The following DNM2 variants were observed in gnomAD, a reference collection of about 807,000 sequenced individuals.
DNM2 encodes the protein dynamin-2.
A neutral mutation model predicts 99.0 loss-of-function variants in DNM2; 15 were observed. The ratio of observed to expected loss-of-function variants is 0.15; its 90% CI spans 0.10 to 0.23. The LOEUF is 0.23. DNM2 is among the 10% of genes least tolerant of loss of function. The probability of loss-of-function intolerance (pLI) is 1.00; values close to 1 mark genes in which losing one functional copy is unlikely to be tolerated. For synonymous variants in DNM2, 525 were observed against 481.2 expected (o/e 1.09, Z -1.19); for missense variants, 742 against 1,189.4 (o/e 0.62, Z 5.53).
intron 7 of DNM2, among the ~76,000 whole-genome samples, chr19:10,791,889 A>G (rs990845834): frequency 4.6e-5 from 7 of 152,130 alleles, no homozygotes; most frequent in Admixed American, 1.3e-4. Flanking sequence ...AGATTGAGAG[A>G]CCAGCCTGGC....
chr19:10,824,672 G>T (rs1213397954), intron 17 of DNM2: 8 of 261,576 alleles, frequency 3.1e-5, no homozygotes, highest in South Asian at 5.0e-5. Flanking sequence ...GCATGGTGGC[G>T]CACCCCTGTA....
rs902304784 is a variant in DNM2, at chr19:10,831,826, C to T, written c.*779C>T. 30 of 990,122 alleles carry T rather than the reference C, an allele frequency of 3.0e-5. No homozygotes were observed. The highest frequency in any genetic ancestry group is 5.2e-4 in the Middle Eastern group (1 of 1,922). The allele number at this position is 990,122 out of a possible 1,614,324, so 61.3% of individuals were successfully genotyped here. On this transcript the variant is annotated 3_prime_UTR_variant, in exon 21 of 21. Transcript: ENST00000389253. The surrounding 1 kb of genome is among the most constrained non-coding windows in gnomAD (Gnocchi z 4.3). ...CTCTGAGGAGACCTCACCCACTCCTCGCTCAGTTTGACCACTGTAAGTGCC... is the reference window on the plus strand; with the variant it reads ...CTCTGAGGAGACCTCACCCACTCCTTGCTCAGTTTGACCACTGTAAGTGCC...
chr19:10,792,810 G>T (rs977389126), intron 7 of DNM2, among the ~76,000 whole-genome samples: 1 of 152,060 alleles, frequency 6.6e-6, no homozygotes, highest in African/African-American at 2.4e-5. Flanking sequence ...GTTTCGCCAT[G>T]TTGTCCAGGC....
intron 1 of DNM2, among the ~76,000 whole-genome samples, chr19:10,753,407 TC>T (rs372769240): frequency 0.19 from 14,477 of 74,524 alleles, 1,012 homozygotes; most frequent in East Asian, 0.46. Context: ...CCCCTTCCCT[TC>T]CCCCCCCCAC....
rs984609165 is a variant in DNM2 at position 10,795,763 on chromosome 19, G to A, written c.1196+324G>A. On this transcript the variant is annotated intron_variant, in intron 9 of 20. Transcript: ENST00000389253. This position sits in a 1 kb window ranked among gnomAD's most constrained non-coding sequence, Gnocchi z 4.2. ...AGATTTGCCTGGGGAGGGGCGGGGCGGCACTGAATCAGGGTTTTGGGAAGC... is the reference window on the plus strand; with the variant it reads ...AGATTTGCCTGGGGAGGGGCGGGGCAGCACTGAATCAGGGTTTTGGGAAGC... The A allele has an allele frequency of 1.7e-5, 10 of 582,832 alleles. No individual in the cohort carries two copies. The highest frequency in any genetic ancestry group is 1.5e-4 in the Admixed American group (5 of 33,504). The allele number at this position is 582,832 out of a possible 1,614,324, so 36.1% of individuals were successfully genotyped here.
rs2073283762 is a variant in DNM2 at position 10,830,087 on chromosome 19, C to T, written c.2292-40C>T. On this transcript the variant is annotated intron_variant, in intron 19 of 20. Transcript: ENST00000389253. The surrounding 1 kb of genome is among the most constrained non-coding windows in gnomAD (Gnocchi z 4.8). ...CAGTGGCATGGCGGGGGCTCCTACTCCATCTGTATCTGTAGCTCACACCCT... is the reference window on the plus strand; with the variant it reads ...CAGTGGCATGGCGGGGGCTCCTACTTCATCTGTATCTGTAGCTCACACCCT... The T allele has an allele frequency of 3.7e-6, 6 of 1,613,654 alleles. No homozygotes were observed. The highest frequency in any genetic ancestry group is 5.1e-6 in the Non-Finnish European group (6 of 1,179,678).
intron 18 of DNM2, among the ~76,000 whole-genome samples, chr19:10,827,401 C>A (rs2073175872): frequency 6.6e-6 from 1 of 151,928 alleles, no homozygotes; most frequent in African/African-American, 2.4e-5. Context: ...TTAATAGACT[C>A]TTATAAAATA....
intron 16 of DNM2, among the ~76,000 whole-genome samples, chr19:10,821,705 A>G (rs1261933747): frequency 6.6e-6 from 1 of 151,968 alleles, no homozygotes; most frequent in Non-Finnish European, 1.5e-5. Flanking sequence ...CTAATTTTTT[A>G]TTTTTAGTAG....
intron 2 of DNM2, among the ~76,000 whole-genome samples, chr19:10,762,605 A>G (rs1233527214): frequency 5.3e-5 from 8 of 152,192 alleles, no homozygotes; most frequent in Admixed American, 3.9e-4. Flanking sequence ...GGGAGCACAG[A>G]GCGCAGGCCT....
At position 10,802,189 on chromosome 19, in the gene DNM2, C is replaced by T. The variant is rs2072175005; in HGVS notation, c.1423-99C>T. On this transcript the variant is annotated intron_variant, in intron 11 of 20. Transcript: ENST00000389253. Reference sequence around the variant, plus strand: ...TCCTGTCTGGGAAGCCTCCTGGTTCCCACGCCTTCCCTGCTGGCAAGGCCA... The same window carrying T: ...TCCTGTCTGGGAAGCCTCCTGGTTCTCACGCCTTCCCTGCTGGCAAGGCCA... 3 of 1,324,882 alleles carry T rather than the reference C, an allele frequency of 2.3e-6. No homozygotes were observed. In the East Asian group the frequency reaches 6.9e-5, roughly 31 times the overall value. The allele number at this position is 1,324,882 out of a possible 1,614,324, so 82.1% of individuals were successfully genotyped here.
chr19:10,758,973 G>A lies in DNM2; in HGVS notation c.162-765G>A, dbSNP rs191311682. Among the ~76,000 whole-genome samples the A allele has an allele frequency of 4.2e-4, 63 of 151,394 alleles. 1 individual carries two copies. In the East Asian group the frequency reaches 8.5e-3, roughly 21 times the overall value. ...TTTTTTTTTTCCCACACAGAGTCTC[G>A]CTCTATTGCCTAAGCTGGAGTGCAG... On this transcript the variant is annotated intron_variant, in intron 1 of 20. Coordinates refer to ENST00000389253, the MANE Select transcript of DNM2 (RefSeq NM_001005361.3).
intron 7 of DNM2, among the ~76,000 whole-genome samples, chr19:10,790,897 C>T (rs976718695): frequency 2.0e-5 from 3 of 151,762 alleles, no homozygotes; most frequent in African/African-American, 7.3e-5. Context: ...TCCCGAGTAG[C>T]TGGGAATAAT....
intron 1 of DNM2, among the ~76,000 whole-genome samples, chr19:10,743,218 T>G (rs2069825087): frequency 6.6e-6 from 1 of 151,266 alleles, no homozygotes; most frequent in Non-Finnish European, 1.5e-5. Context: ...GATGCCAGCT[T>G]CTTTTGCCGT....
At chr19:10,753,044 A>G (rs1313292496) in intron 1 of DNM2, among the ~76,000 whole-genome samples, 3 of 152,294 alleles carry the variant, frequency 2.0e-5, no homozygotes, top group African/African-American at 7.2e-5. Context: ...GGATCACTTG[A>G]GCCCTACAGT....
intron 1 of DNM2, among the ~76,000 whole-genome samples, chr19:10,731,488 G>C (rs2069315479): frequency 6.6e-6 from 1 of 151,990 alleles, no homozygotes; most frequent in African/African-American, 2.4e-5. Context: ...GAGTAGCTGG[G>C]ATTACAGGTG....
chr19:10,796,246 G>C lies in DNM2; in HGVS notation c.1196+807G>C, dbSNP rs750003938. ...GACTCCTGACCTTGTGGAAACGGGG[G>C]TACGGGGGTTTGGTATCAGGCTCCC... On this transcript the variant is annotated intron_variant, in intron 9 of 20. Coordinates refer to ENST00000389253, the MANE Select transcript of DNM2 (RefSeq NM_001005361.3). The surrounding 1 kb of genome is among the most constrained non-coding windows in gnomAD (Gnocchi z 5.6). 1 of 1,612,860 alleles carries C rather than the reference G, an allele frequency of 6.2e-7. No individual in the cohort carries two copies. Among genetic ancestry groups the C allele is most frequent in the Admixed American group, 1.7e-5 (1 of 59,998 alleles).
At chr19:10,725,814 C>T (rs1043686226) in intron 1 of DNM2, among the ~76,000 whole-genome samples, 1 of 152,030 alleles carries the variant, frequency 6.6e-6, no homozygotes, top group African/African-American at 2.4e-5. Context: ...AGTACAGTGG[C>T]GTAATCATGG....
rs1599421246 is a variant in DNM2, at chr19:10,726,532, C to T, written c.161+8129C>T. On this transcript the variant is annotated intron_variant, in intron 1 of 20. Coordinates refer to ENST00000389253, the MANE Select transcript of DNM2 (RefSeq NM_001005361.3). ...TATCGACCAGAAGTTGTTCCTGGTT[C>T]CTTTCTAAGTGGGAATCATGGCTGC... 3.9e-5 allele frequency among the ~76,000 whole-genome samples: 6 copies of T among 152,076 alleles called. No homozygotes were observed. In the South Asian group the frequency reaches 1.2e-3, roughly 32 times the overall value.
chr19:10,830,836 A>G lies in DNM2; in HGVS notation c.2544-142A>G. The G allele has an allele frequency of 9.7e-7, 1 of 1,035,006 alleles. No individual in the cohort carries two copies. Among genetic ancestry groups the G allele is most frequent in the Non-Finnish European group, 1.4e-6 (1 of 732,176 alleles). 64.1% of individuals were successfully genotyped at this position (1,035,006 alleles called of 1,614,324 possible). On this transcript the variant is annotated intron_variant, in intron 20 of 20. Coordinates refer to ENST00000389253, the MANE Select transcript of DNM2 (RefSeq NM_001005361.3). The surrounding 1 kb of genome is among the most constrained non-coding windows in gnomAD (Gnocchi z 4.8). ...CCTAGGTTTGGCACTCCTGCCCGAC[A>G]CCCTGGTGGCTTGCGGAGGTCAGCC...
Sources: gnomAD v4.1 joint callset for allele counts (sites outside exome capture counted in the v4.1 genomes callset) on GRCh38, gnomAD v4.1.1 for gene constraint, Gnocchi (gnomAD v3.1) non-coding constraint, MANE v1.5 for transcripts, NCBI Gene and HGNC (gene_info 2026-07-23, HGNC 2026-07-21) for gene names.